Variants in SIPA1L3 observed in about 807,000 individuals in gnomAD.
SIPA1L3 encodes signal induced proliferation associated 1 like 3, also known as signal-induced proliferation-associated 1-like protein 3.
SIPA1L3 carries 59 observed loss-of-function variants against 150.1 expected under a neutral mutation model. The observed-to-expected ratio is 0.39, with a 90% CI of 0.32 to 0.49. The LOEUF (loss-of-function observed/expected upper bound fraction) is 0.49, where lower values mean the gene tolerates loss of function less well. SIPA1L3 is among the 20% of genes least tolerant of loss of function. The pLI, the probability that SIPA1L3 is intolerant of heterozygous loss-of-function variation, is 0.86. For synonymous variants in SIPA1L3, 1,070 were observed against 1,077.6 expected (o/e 0.99, Z 0.14); for missense variants, 2,211 against 2,489.5 (o/e 0.89, Z 2.38).
chr19:38,038,588 C>A (rs76026890), intron 2 of SIPA1L3, among the ~76,000 whole-genome samples: 869 of 121,586 alleles, frequency 7.1e-3, no homozygotes, highest in Admixed American at 9.4e-3. Context: ...GACTCCGTCT[C>A]AAAAAAAAAA....
chr19:38,061,176 C>G (rs1473520329), intron 2 of SIPA1L3, among the ~76,000 whole-genome samples: 1 of 151,768 alleles, frequency 6.6e-6, no homozygotes, highest in South Asian at 2.1e-4. Flanking sequence ...CAGGACAATG[C>G]GGCACATGCC....
intron 2 of SIPA1L3, among the ~76,000 whole-genome samples, chr19:38,065,946 T>TTTAG (rs1487819996): frequency 2.1e-5 from 3 of 146,226 alleles, no homozygotes; most frequent in Non-Finnish European, 4.5e-5. Flanking sequence ...TATTTATTTA[T>TTTAG]TTTTGAGGCA....
At position 38,021,620 on chromosome 19, in the gene SIPA1L3, C is replaced by T. The variant is rs148149238; in HGVS notation, c.-378-7469C>T. ...GCAGTGATGCAGTCATGGCTCACTA[C>T]AGCCTTGATCTCCTGGGCTCAAGTG... On this transcript the variant is annotated intron_variant, in intron 1 of 21. Transcript: ENST00000222345. Among the ~76,000 whole-genome samples, 21 of 151,774 alleles carry T rather than the reference C, an allele frequency of 1.4e-4. No homozygotes were observed. In the East Asian group the frequency reaches 4.1e-3, roughly 30 times the overall value.
At chr19:37,961,846 A>G (rs1405118557) in intron 1 of SIPA1L3, among the ~76,000 whole-genome samples, 1 of 152,132 alleles carries the variant, frequency 6.6e-6, no homozygotes, top group African/African-American at 2.4e-5. Context: ...TACAGATTAT[A>G]TACTTTTTTT....
chr19:37,941,075 CACACACACACAT>C (rs1179890914), intron 1 of SIPA1L3, among the ~76,000 whole-genome samples: 5,094 of 138,232 alleles, frequency 0.037, 141 homozygotes, highest in African/African-American at 0.081. Context: ...GAGATGTACA[CACACACACACAT>C]ACACACACAC....
At chr19:37,910,830 A>G (rs1342760616) in intron 1 of SIPA1L3, among the ~76,000 whole-genome samples, 2 of 152,178 alleles carry the variant, frequency 1.3e-5, no homozygotes, top group Non-Finnish European at 1.5e-5. Context: ...TCTTGACCTC[A>G]GGTGATCCAC....
intron 1 of SIPA1L3, among the ~76,000 whole-genome samples, chr19:38,001,754 A>G (rs1967812613): frequency 6.6e-6 from 1 of 152,220 alleles, no homozygotes; most frequent in Non-Finnish European, 1.5e-5. Context: ...CTTTTTTATT[A>G]TGATAAAATA....
At chr19:38,052,559 G>A (rs564943922) in intron 2 of SIPA1L3, among the ~76,000 whole-genome samples, 1 of 152,364 alleles carries the variant, frequency 6.6e-6, no homozygotes, top group South Asian at 2.1e-4. Context: ...GTAGTTCCCT[G>A]TGTTTCAGAG....
intron 2 of SIPA1L3, among the ~76,000 whole-genome samples, chr19:38,070,600 G>A (rs1308685421): frequency 6.6e-6 from 1 of 152,232 alleles, no homozygotes; most frequent in Non-Finnish European, 1.5e-5. Flanking sequence ...ACATGACTGG[G>A]AAATGGTGAA....
intron 1 of SIPA1L3, among the ~76,000 whole-genome samples, chr19:37,964,442 TA>T (rs754308227): frequency 3.3e-5 from 5 of 152,190 alleles, no homozygotes; most frequent in Non-Finnish European, 7.3e-5. Context: ...ACAACGGTGA[TA>T]TAATTATCAC....
At chr19:38,182,773 C>G (rs776433944) in intron 16 of SIPA1L3, 33 bp downstream of exon 16, 1 of 1,509,474 alleles carries the variant, frequency 6.6e-7, no homozygotes, top group Non-Finnish European at 9.0e-7. Flanking sequence ...AGGCGCCCGC[C>G]AGATCCACAC....
At chr19:38,078,494 A>G (rs955587302) in intron 2 of SIPA1L3, among the ~76,000 whole-genome samples, 1 of 151,462 alleles carries the variant, frequency 6.6e-6, no homozygotes, top group African/African-American at 2.4e-5. Context: ...GCACACACAC[A>G]CACAGGCACA....
chr19:37,993,450 G>C (rs898475739), intron 1 of SIPA1L3, among the ~76,000 whole-genome samples: 1 of 152,190 alleles, frequency 6.6e-6, no homozygotes, highest in Non-Finnish European at 1.5e-5. Context: ...TCTTGCCTCA[G>C]CCTCCCGAGT....
rs1479220615 is a variant in SIPA1L3, at chr19:37,955,068, C to CA, written c.-379+47711dup. Among the ~76,000 whole-genome samples, 3 of 123,552 alleles carry CA rather than the reference C, an allele frequency of 2.4e-5. No homozygotes were observed. In the East Asian group the frequency reaches 7.6e-4, roughly 31 times the overall value. 81.1% of individuals were successfully genotyped at this position (123,552 alleles called of 152,430 possible). A position where few individuals can be genotyped will look rare whatever the true frequency, so the allele number is the denominator to read the frequency against. ...CACCACTGCACTCCAGCCTGGGTGA[C>CA]AGAGTGAGATGCTGTCTCTCAAAAA... is the stretch of plus-strand genomic sequence containing the variant. On this transcript the variant is annotated intron_variant, in intron 1 of 21. Coordinates refer to ENST00000222345, the MANE Select transcript of SIPA1L3 (RefSeq NM_015073.3).
chr19:37,964,231 C>A (rs757575916), intron 1 of SIPA1L3: 5 of 152,044 alleles, frequency 3.3e-5, no homozygotes, highest in Admixed American at 2.0e-4. Context: ...GGCAAGACCC[C>A]ATCTCTACAG....
intron 1 of SIPA1L3, among the ~76,000 whole-genome samples, chr19:37,923,823 G>A (rs2046477648): frequency 6.6e-6 from 1 of 151,372 alleles, no homozygotes; most frequent in African/African-American, 2.4e-5. Context: ...GCAGTGGCAC[G>A]ATCTTAGCTC....
rs1284525062 is a variant in SIPA1L3, at chr19:37,947,984, C to T, written c.-379+40626C>T. ...AGTGGAGGCTGCTGGCAGGCGTGGA[C>T]GTCTCAGATGTCTGATCCTTCAGGA... On this transcript the variant is annotated intron_variant, in intron 1 of 21. Transcript: ENST00000222345. Among the ~76,000 whole-genome samples, 4 of 152,168 alleles carry T rather than the reference C, an allele frequency of 2.6e-5. 1 individual carries two copies. The highest frequency in any genetic ancestry group is 5.9e-5 in the Non-Finnish European group (4 of 68,036).
chr19:38,002,717 C>CAAA (rs55737969), intron 1 of SIPA1L3, among the ~76,000 whole-genome samples: 2,318 of 61,378 alleles, frequency 0.038, 208 homozygotes, highest in East Asian at 0.067. Flanking sequence ...GACTCCATCT[C>CAAA]AAAAAAAAAA....
chr19:38,048,872 T>C (rs1342166624), intron 2 of SIPA1L3, among the ~76,000 whole-genome samples: 1 of 152,046 alleles, frequency 6.6e-6, no homozygotes, highest in Non-Finnish European at 1.5e-5. Flanking sequence ...GGGCAGATCA[T>C]GAGGTCAAGA....
Sources: allele counts gnomAD v4.1 joint callset (sites outside exome capture counted in the v4.1 genomes callset), GRCh38; gene constraint gnomAD v4.1.1; transcripts MANE v1.5; gene names NCBI Gene and HGNC (gene_info 2026-07-23, HGNC 2026-07-21).